Variants in GRIP1 observed in about 807,000 individuals in gnomAD.
The protein encoded by GRIP1 is glutamate receptor interacting protein 1.
In GRIP1, 45 loss-of-function variants were observed where a neutral mutation model predicts 129.9. The ratio of observed to expected loss-of-function variants is 0.35; its 90% CI spans 0.27 to 0.44. The LOEUF (loss-of-function observed/expected upper bound fraction) is 0.44. GRIP1 is among the 20% of genes least tolerant of loss of function. The probability of loss-of-function intolerance (pLI) is 1.00; values close to 1 mark genes in which losing one functional copy is unlikely to be tolerated. For synonymous variants in GRIP1, 530 were observed against 520.8 expected, an observed-to-expected ratio of 1.02 and a Z score of -0.24; for missense variants, 1,196 against 1,396.8, an observed-to-expected ratio of 0.86 and a Z score of 2.29.
At chr12:66,960,472 C>T (rs2041906600) in intron 1 of GRIP1, among the ~76,000 whole-genome samples, 1 of 151,910 alleles carries the variant, frequency 6.6e-6, no homozygotes, top group Non-Finnish European at 1.5e-5. Context: ...AGCATTTGGA[C>T]TTTTTTTTAG....
intron 1 of GRIP1, among the ~76,000 whole-genome samples, chr12:66,745,913 C>T (rs2036931028): frequency 6.6e-6 from 1 of 152,196 alleles, no homozygotes; most frequent in Non-Finnish European, 1.5e-5. Flanking sequence ...TGTTCAGCAA[C>T]ACCCAATCAG....
At chr12:66,974,428 C>T (rs1016232992) in intron 1 of GRIP1, among the ~76,000 whole-genome samples, 3 of 152,116 alleles carry the variant, frequency 2.0e-5, no homozygotes, top group African/African-American at 7.2e-5. Context: ...AGAATATAAG[C>T]TTCATGAAGG....
intron 2 of GRIP1, 82 bp downstream of exon 2, chr12:66,596,765 T>C (rs1385628130): frequency 7.5e-6 from 6 of 796,438 alleles, no homozygotes; most frequent in South Asian, 5.7e-5. Context: ...TTATTATTTT[T>C]ACCAAGTTGG....
intron 1 of GRIP1, among the ~76,000 whole-genome samples, chr12:66,629,345 CAT>C (rs1181092562): frequency 6.6e-6 from 1 of 152,198 alleles, no homozygotes; most frequent in Non-Finnish European, 1.5e-5. Flanking sequence ...AAGCCTAACA[CAT>C]GTGATGACCA....
At chr12:66,426,288 G>A (rs1258929071) in intron 14 of GRIP1, among the ~76,000 whole-genome samples, 2 of 152,032 alleles carry the variant, frequency 1.3e-5, no homozygotes, top group African/African-American at 4.8e-5. Flanking sequence ...TGTGTCATTT[G>A]TACTCAACCT....
intron 2 of GRIP1, among the ~76,000 whole-genome samples, chr12:66,552,254 C>T (rs987341020): frequency 9.2e-5 from 14 of 152,108 alleles, no homozygotes; most frequent in Non-Finnish European, 1.5e-5. Context: ...ATAATCAGGG[C>T]AAAGTAGAAC....
At chr12:66,544,638 T>C (rs561085858) in intron 2 of GRIP1, among the ~76,000 whole-genome samples, 2 of 152,252 alleles carry the variant, frequency 1.3e-5, no homozygotes, top group African/African-American at 4.8e-5. Context: ...AGATAGAACA[T>C]ACTTGCAAGA....
chr12:66,593,134 C>T (rs1393983605), intron 2 of GRIP1, among the ~76,000 whole-genome samples: 1 of 152,146 alleles, frequency 6.6e-6, no homozygotes, highest in Non-Finnish European at 1.5e-5. Context: ...TTTATTCTTA[C>T]ATTTAATGCC....
At chr12:66,715,096 T>G (rs1429314010) in intron 1 of GRIP1, among the ~76,000 whole-genome samples, 2 of 152,202 alleles carry the variant, frequency 1.3e-5, no homozygotes, top group South Asian at 2.1e-4. Context: ...TGTCTCTTCC[T>G]TCTTCATCGA....
Position 66,573,009 on chromosome 12 carries a change from A to T in GRIP1, c.136+23838T>A, listed in dbSNP as rs537561445. ...TACCTCTAACCAGTAGATATGGCAA[A>T]GCTTCCAGATGCATGTTGTTATATA... On this transcript the variant is annotated intron_variant, in intron 2 of 24. Transcript: ENST00000359742. Among the ~76,000 whole-genome samples the T allele has an allele frequency of 3.3e-5, 5 of 152,238 alleles. No homozygotes were observed. In the South Asian group the frequency reaches 1.0e-3, roughly 32 times the overall value.
At chr12:66,718,890 T>C (rs1212819613) in intron 1 of GRIP1, among the ~76,000 whole-genome samples, 5 of 152,002 alleles carry the variant, frequency 3.3e-5, no homozygotes, top group Non-Finnish European at 4.4e-5. Context: ...AAATATTCTT[T>C]GTAAACTTAT....
chr12:66,572,016 C>T (rs1247052258), intron 2 of GRIP1, among the ~76,000 whole-genome samples: 2 of 152,094 alleles, frequency 1.3e-5, no homozygotes, highest in Non-Finnish European at 2.9e-5. Flanking sequence ...TGTTTTAAAT[C>T]AACTTCTCAG....
At chr12:66,447,741 C>T (rs185635816) in intron 11 of GRIP1, among the ~76,000 whole-genome samples, 56 of 152,218 alleles carry the variant, frequency 3.7e-4, no homozygotes, top group African/African-American at 1.3e-3. Flanking sequence ...TCTGCTCACT[C>T]CCCCAGCTTT....
chr12:66,830,767 C>T (rs12306768), intron 1 of GRIP1, among the ~76,000 whole-genome samples: 24,477 of 151,558 alleles, frequency 0.16, 2,113 homozygotes, highest in East Asian at 0.37. Context: ...CACACAGCTG[C>T]TAAATGGCAG....
chr12:66,970,540 C>CTTTTTT (rs3051201), intron 1 of GRIP1, among the ~76,000 whole-genome samples: 2 of 129,772 alleles, frequency 1.5e-5, no homozygotes. Context: ...CCTCTAGTGT[C>CTTTTTT]TTTTTTTTTT....
chr12:66,977,043 T>C (rs1225224803), intron 1 of GRIP1, among the ~76,000 whole-genome samples: 4 of 152,272 alleles, frequency 2.6e-5, no homozygotes, highest in Admixed American at 6.5e-5. Context: ...ACTTATATGA[T>C]TGAAAATACA....
chr12:66,408,812 A>G (rs2057288478), intron 15 of GRIP1, among the ~76,000 whole-genome samples: 1 of 152,102 alleles, frequency 6.6e-6, no homozygotes, highest in African/African-American at 2.4e-5. Context: ...TTGAAAGAAG[A>G]GTCCCGGCCC....
chr12:66,896,802 T>C (rs1210649155), intron 1 of GRIP1, among the ~76,000 whole-genome samples: 2 of 152,344 alleles, frequency 1.3e-5, no homozygotes, highest in Middle Eastern at 3.4e-3. Flanking sequence ...TATTCGAAGT[T>C]AAGTGTCACG....
chr12:66,521,191 G>A (rs1452007691), intron 5 of GRIP1, among the ~76,000 whole-genome samples: 1 of 152,094 alleles, frequency 6.6e-6, no homozygotes, highest in Non-Finnish European at 1.5e-5. Flanking sequence ...GTAATTCCTT[G>A]TAGATCAAGG....
Sources: gnomAD v4.1 joint callset for allele counts (sites outside exome capture counted in the v4.1 genomes callset) on GRCh38, gnomAD v4.1.1 for gene constraint, MANE v1.5 for transcripts, NCBI Gene and HGNC (gene_info 2026-07-23, HGNC 2026-07-21) for gene names.